The following KDM5C variants were observed in gnomAD, a reference collection of about 807,000 sequenced individuals.
KDM5C encodes lysine-specific demethylase 5C.
Under a neutral mutation model 110.6 loss-of-function variants are expected in KDM5C, and 16 were observed. The observed-to-expected ratio is 0.14, with a 90% confidence interval of 0.10 to 0.22. The LOEUF is 0.22. Ranked by LOEUF, KDM5C falls within the 10% of genes least tolerant of loss-of-function variation. The pLI, the probability that KDM5C is intolerant of heterozygous loss-of-function variation, is 1.00. For missense variants in KDM5C, 681 were observed against 1,300.9 expected (o/e 0.52, Z 7.33); for synonymous variants, 511 against 520.4 (o/e 0.98, Z 0.24).
chrX:53,202,694 A>G (rs1556842876), intron 12 of KDM5C: 1 of 112,104 alleles, frequency 8.9e-6, no homozygotes, highest in South Asian at 3.7e-4. Context: ...TTCCTTTGCT[A>G]TGCTTAAGAA....
At chrX:53,201,442 G>A in intron 14 of KDM5C, 108 bp downstream of exon 14, 1 of 768,889 alleles carries the variant, frequency 1.3e-6, no homozygotes, top group Non-Finnish European at 2.0e-6. Context: ...GATGCATCTA[G>A]TTCTTTTCAC....
Position 53,196,822 on chromosome X carries a change from C to T in KDM5C, c.2845G>A (p.Val949Ile), listed in dbSNP as rs782457267. The T allele has an allele frequency of 2.3e-5, 28 of 1,210,583 alleles. No homozygotes were observed. The highest frequency in any genetic ancestry group is 4.3e-5 in the Admixed American group (2 of 45,980). The change falls in exon 19 of 26, where the codon GTC (valine) becomes ATC (isoleucine). Residue 949 changes from valine (V) to isoleucine (I), a missense_variant. By Grantham distance (29) the Val-to-Ile change is conservative. Transcript: ENST00000375401. ...APSARRGTLA[V>I]MRGLLVAGAS... ...CCCGCGACCAACAGTCCTCGCATGA[C>T]AGCCAAGGTGCCCCTTCGGGCTGAG...
intron 12 of KDM5C, among the ~76,000 whole-genome samples, chrX:53,205,697 CT>C (rs1373702134): frequency 5.4e-5 from 6 of 111,808 alleles, no homozygotes; most frequent in African/African-American, 2.0e-4. Flanking sequence ...ACCTTTAATG[CT>C]TTATTCCACT....
At chrX:53,187,633 G>A (rs782375572), downstream of KDM5C, among the ~76,000 whole-genome samples, 108 of 111,589 alleles carry the variant, frequency 9.7e-4, no homozygotes, top group Admixed American at 2.5e-3. Flanking sequence ...AGCCAGGCAC[G>A]GTGGCTCATG....
chrX:53,223,401 T>C (rs1202812031), intron 1 of KDM5C, among the ~76,000 whole-genome samples: 1 of 110,901 alleles, frequency 9.0e-6, no homozygotes, highest in Non-Finnish European at 1.9e-5. Flanking sequence ...AGAAATTCGC[T>C]TACCCAACAC....
intron 12 of KDM5C, among the ~76,000 whole-genome samples, chrX:53,208,422 T>C (rs1180223711): frequency 1.7e-4 from 13 of 74,512 alleles, no homozygotes; most frequent in African/African-American, 5.5e-4. Flanking sequence ...CATACATATA[T>C]ATATATATAT....
intron 9 of KDM5C, 53 bp downstream of exon 9, chrX:53,211,734 G>A (rs891561112): frequency 8.3e-7 from 1 of 1,209,075 alleles, no homozygotes; most frequent in Non-Finnish European, 1.1e-6. Flanking sequence ...AGACCATCTG[G>A]CATCAATACC....
chrX:53,200,875 C>T (rs1215490306), intron 14 of KDM5C, among the ~76,000 whole-genome samples: 1 of 112,104 alleles, frequency 8.9e-6, no homozygotes, highest in Non-Finnish European at 1.9e-5. Context: ...CACAAGCTTA[C>T]AAGAAATCAA....
At chrX:53,211,748 G>A in intron 9 of KDM5C, 39 bp downstream of exon 9, 2 of 1,210,560 alleles carry the variant, frequency 1.7e-6, no homozygotes, top group Non-Finnish European at 1.1e-6. Flanking sequence ...CAATACCTAT[G>A]ATCCTAGCCC....
chrX:53,189,778 G>T (rs782745094), downstream of KDM5C, among the ~76,000 whole-genome samples: 1 of 112,955 alleles, frequency 8.9e-6, no homozygotes, highest in South Asian at 3.6e-4. Context: ...ACAGACTGAG[G>T]CCTGGGCCTT....
intron 1 of KDM5C, among the ~76,000 whole-genome samples, chrX:53,221,142 C>G (rs1378368808): frequency 2.9e-5 from 3 of 102,128 alleles, no homozygotes; most frequent in Admixed American, 1.1e-4. Flanking sequence ...CATGCACATG[C>G]CCTAGGAAAC....
At position 53,193,067 on chromosome X, in the gene KDM5C, G is replaced by A. The variant is rs782577718; in HGVS notation, c.4583C>T (p.Pro1528Leu). 9 of 1,208,515 alleles carry A rather than the reference G, an allele frequency of 7.4e-6. No homozygotes were observed. The highest frequency in any genetic ancestry group is 3.0e-5 in the East Asian group (1 of 33,674). The change falls in exon 26 of 26, where the codon CCG (proline) becomes CTG (leucine). Residue 1528 changes from proline to leucine, a missense_variant. Pro to Leu is a moderately conservative substitution (Grantham distance 98). Around this residue, in one of 14 missense-constraint regions of KDM5C, gnomAD observed 115 missense variants for 120.9 expected, o/e 0.95. Coordinates refer to ENST00000375401, the MANE Select transcript of KDM5C (RefSeq NM_004187.5). ...STQENQNGLE[P>L]AEGTTSGPSA... is the part of the protein sequence containing the mutation. ...GGGGCCTGAAGTGGTCCCTTCCGCC[G>A]GTTCCAAGCCATTCTGGTTCTCCTG...
chrX:53,212,758 G>A (rs1479145449), intron 8 of KDM5C: 1 of 109,741 alleles, frequency 9.1e-6, no homozygotes, highest in East Asian at 2.9e-4. Context: ...CCAGCACTTT[G>A]GGAGGCTGAG....
intron 12 of KDM5C, among the ~76,000 whole-genome samples, chrX:53,206,130 G>A (rs1330629916): frequency 8.9e-6 from 1 of 112,587 alleles, no homozygotes; most frequent in African/African-American, 3.2e-5. Flanking sequence ...ATCAACTGGT[G>A]TATATTACTG....
intron 14 of KDM5C, among the ~76,000 whole-genome samples, chrX:53,201,006 T>C (rs1438618993): frequency 2.7e-5 from 3 of 112,947 alleles, no homozygotes; most frequent in Non-Finnish European, 5.6e-5. Flanking sequence ...AGTTTCTTCA[T>C]GTATTAACAT....
chrX:53,220,377 G>A (rs781986469), intron 2 of KDM5C, among the ~76,000 whole-genome samples: 19 of 112,003 alleles, frequency 1.7e-4, no homozygotes, highest in Non-Finnish European at 2.8e-4. Flanking sequence ...CAGTTCTTGT[G>A]TTGTTCTGCC....
In KDM5C at chrX:53,192,708, T is replaced by C. The variant is rs1934499648; in HGVS notation, c.*259A>G. 1 of 1,122,210 alleles carries C rather than the reference T, an allele frequency of 8.9e-7. No homozygotes were observed. The highest frequency in any genetic ancestry group is 1.2e-6 in the Non-Finnish European group (1 of 837,620). 92.5% of individuals were successfully genotyped at this position (1,122,210 alleles called of 1,213,427 possible). On this transcript the variant is annotated 3_prime_UTR_variant, in exon 26 of 26. Coordinates refer to ENST00000375401, the MANE Select transcript of KDM5C (RefSeq NM_004187.5). ...CCCCCTGCCCACCAGCCCATCCATC[T>C]ATCTGCCTCAGGTGTCTGGGAATGC... is the stretch of plus-strand genomic sequence containing the variant.
In KDM5C at chrX:53,217,164, C is replaced by T. The variant is rs781914165; in HGVS notation, c.636G>A (p.Arg212=). ...TCACATCAGGCTGCAGTCTCTTGGC[C>T]CGCCGGCCATAGCTGTTGAACTTGG... ...QPSKFNSYGR[R]AKRLQPDPEP... Residue 212 remains arginine (R), a synonymous_variant, in exon 5 of 26, where the codon CGG becomes CGA. Transcript: ENST00000375401. 47 of 1,207,499 alleles carry T rather than the reference C, an allele frequency of 3.9e-5. No homozygotes were observed. The highest frequency in any genetic ancestry group is 5.3e-5 in the Non-Finnish European group (47 of 893,943).
At chrX:53,216,969 A>G (rs186900555) in intron 5 of KDM5C, among the ~76,000 whole-genome samples, 174 bp downstream of exon 5, 2 of 112,369 alleles carry the variant, frequency 1.8e-5, no homozygotes, top group East Asian at 5.6e-4. Flanking sequence ...TCAGCAGCTC[A>G]GCTGAGAGGG....
Sources: gnomAD v4.1 joint callset for allele counts (sites outside exome capture counted in the v4.1 genomes callset) on GRCh38, gnomAD v4.1.1 for gene constraint, gnomAD v4.1.1 regional missense constraint, MANE v1.5 for transcripts, NCBI Gene and HGNC (gene_info 2026-07-23, HGNC 2026-07-21) for gene names.